Variants in PXN observed in about 807,000 individuals in gnomAD.
PXN encodes the protein paxillin.
Under a neutral mutation model 103.6 loss-of-function variants are expected in PXN, and 61 were observed. The ratio of observed to expected loss-of-function variants is 0.59; its 90% CI spans 0.48 to 0.73. PXN has a LOEUF of 0.73. Ranked by LOEUF, PXN falls within the 30% of genes least tolerant of loss-of-function variation. PXN has a pLI of 0.00. For missense variants in PXN, 1,274 were observed against 1,460.3 expected (o/e 0.87, Z 2.08); for synonymous variants, 562 against 607.8 (o/e 0.92, Z 1.11).
chr12:120,222,069 C>T lies in PXN; in HGVS notation c.696-311G>A, dbSNP rs1170061211. On this transcript the variant is annotated intron_variant, in intron 5 of 14. Transcript: ENST00000637617. The surrounding 1 kb of genome is among the most constrained non-coding windows in gnomAD (Gnocchi z 4.7). ...AGGTGAGGCTACTGCAGTAACACGA[C>T]GGCACTGGTAAGAGCTCGCGTGTTG... 6.6e-6 allele frequency among the ~76,000 whole-genome samples: 1 copy of T among 152,320 alleles called. No homozygotes were observed. The highest frequency in any genetic ancestry group is 1.9e-4 in the East Asian group (1 of 5,182).
chr12:120,212,725 G>T lies in PXN; in HGVS notation c.2980-145C>A. 1 of 862,070 alleles carries T rather than the reference G, an allele frequency of 1.2e-6. No homozygotes were observed. The highest frequency in any genetic ancestry group is 2.8e-5 in the East Asian group (1 of 35,206). The allele number at this position is 862,070 out of a possible 1,614,324, so 53.4% of individuals were successfully genotyped here. ...TCCCATGTGCCGTGTTGTCCTAAAC[G>T]CTCATTTTTCATTTTTATTTTATTA... On this transcript the variant is annotated intron_variant, in intron 14 of 14. Coordinates refer to ENST00000637617, the MANE Select transcript of PXN (RefSeq NM_001385981.1). The surrounding 1 kb of genome is among the most constrained non-coding windows in gnomAD (Gnocchi z 7.2).
rs1887604750 is a variant in PXN, at chr12:120,229,561, A to C, written c.14-5184T>G. 6.6e-6 allele frequency among the ~76,000 whole-genome samples: 1 copy of C among 152,190 alleles called. No homozygotes were observed. The highest frequency in any genetic ancestry group is 2.4e-5 in the African/African-American group (1 of 41,436). On this transcript the variant is annotated intron_variant, in intron 1 of 14. Transcript: ENST00000637617. The surrounding 1 kb of genome is among the most constrained non-coding windows in gnomAD (Gnocchi z 4.0). The stretch of plus-strand genomic sequence containing the variant: ...GGCTGCTTAACTGCTTTTGTGCCTC[A>C]GTTTCCTTGTCTGCCCAATAGGAAT...
intron 1 of PXN, among the ~76,000 whole-genome samples, chr12:120,251,249 G>A (rs971328392): frequency 1.3e-5 from 2 of 151,632 alleles, no homozygotes; most frequent in Non-Finnish European, 2.9e-5. Context: ...CCGGCATGGT[G>A]GCTCACGCCT....
rs1233394840 is a variant in PXN at position 120,265,610 on chromosome 12, C to T, written c.13+7G>A. On this transcript the variant is annotated splice_region_variant and intron_variant, in intron 1 of 14. Transcript: ENST00000637617. The surrounding 1 kb of genome is among the most constrained non-coding windows in gnomAD (Gnocchi z 5.7). ...CCTCCTCCTCCCTCGGCCTCCCGCTCACTCACCGAGGTCGTCCATGGCCGG... is the reference window on the plus strand; with the variant it reads ...CCTCCTCCTCCCTCGGCCTCCCGCTTACTCACCGAGGTCGTCCATGGCCGG... 1 of 1,486,880 alleles carries T rather than the reference C, an allele frequency of 6.7e-7. No individual in the cohort carries two copies. The highest frequency in any genetic ancestry group is 2.3e-5 in the Admixed American group (1 of 43,704). 92.1% of individuals were successfully genotyped at this position (1,486,880 alleles called of 1,614,324 possible).
At chr12:120,240,883 C>T (rs1890027621) in intron 1 of PXN, among the ~76,000 whole-genome samples, 1 of 152,196 alleles carries the variant, frequency 6.6e-6, no homozygotes, top group Non-Finnish European at 1.5e-5. Flanking sequence ...CTGCACCTGG[C>T]CCCACAATCC....
chr12:120,216,636 C>G lies in PXN; in HGVS notation c.1993-55G>C. The G allele has an allele frequency of 6.5e-7, 1 of 1,544,414 alleles. No homozygotes were observed. The highest frequency in any genetic ancestry group is 8.6e-7 in the Non-Finnish European group (1 of 1,162,562). On this transcript the variant is annotated intron_variant, in intron 8 of 14. Transcript: ENST00000637617. This position sits in a 1 kb window ranked among gnomAD's most constrained non-coding sequence, Gnocchi z 5.1. The stretch of plus-strand genomic sequence containing the variant: ...AGGAAGAAATCGCCAGCTCAGCCCA[C>G]AGGGGTGGCGGGACCTCCCCAGGCT...
In PXN at chr12:120,224,671, T is replaced by G; in HGVS notation, c.14-294A>C. The stretch of plus-strand genomic sequence containing the variant: ...TGGGAGTCAGGCACCTGGCACTGCG[T>G]TCCCTCCTGACAGGGCCGCGCAGCC... On this transcript the variant is annotated intron_variant, in intron 1 of 14. Coordinates refer to ENST00000637617, the MANE Select transcript of PXN (RefSeq NM_001385981.1). The surrounding 1 kb of genome is among the most constrained non-coding windows in gnomAD (Gnocchi z 5.0). 3 of 630,556 alleles carry G rather than the reference T, an allele frequency of 4.8e-6. No homozygotes were observed. Among genetic ancestry groups the G allele is most frequent in the East Asian group, 3.3e-5 (1 of 30,508 alleles). 39.1% of individuals were successfully genotyped at this position (630,556 alleles called of 1,614,324 possible).
chr12:120,226,442 G>A, intron 1 of PXN: 1 of 1,288,698 alleles, frequency 7.8e-7, no homozygotes, highest in Non-Finnish European at 1.0e-6. Context: ...TGCCAAGGCT[G>A]GATGAAGTGA....
rs1427327237 is a variant in PXN at position 120,219,740 on chromosome 12, A to G, written c.1183T>C (p.Ser395Pro). ...ACAGTGTGGCAGCGGGGAGCCCCAG[A>G]GAGCTCACTTGTGATGGTCGGCAGG... ...RHLPTITSELSGAPRCHTVPC... is the reference protein window; with the variant it reads ...RHLPTITSELPGAPRCHTVPC... The change falls in exon 7 of 15, where the codon TCT becomes CCT. Residue 395 changes from serine to proline, a missense_variant. This residue lies in a region of PXN where 1,178 missense variants were observed against 1,309.0 expected (regional missense o/e 0.90). Transcript: ENST00000637617. The surrounding 1 kb of genome is among the most constrained non-coding windows in gnomAD (Gnocchi z 6.5). The G allele has an allele frequency of 1.3e-6, 2 of 1,596,820 alleles. No homozygotes were observed. The highest frequency in any genetic ancestry group is 1.7e-6 in the Non-Finnish European group (2 of 1,179,096).
At position 120,219,573 on chromosome 12, in the gene PXN, G is replaced by A. The variant is rs1167803029; in HGVS notation, c.1350C>T (p.Pro450=). Residue 450 remains proline (P), a synonymous_variant, in exon 7 of 15, where the codon CCC becomes CCT. Transcript: ENST00000637617. The surrounding 1 kb of genome is among the most constrained non-coding windows in gnomAD (Gnocchi z 6.5). ...ASEVFGPERM[P]PSGAARSFQE... The stretch of plus-strand genomic sequence containing the variant: ...GGAAGCTTCGAGCAGCTCCAGAGGG[G>A]GGCATTCTCTCAGGCCCGAATACCT... 3.8e-6 allele frequency: 6 copies of A among 1,572,560 alleles called. No individual in the cohort carries two copies. The highest frequency in any genetic ancestry group is 2.3e-5 in the East Asian group (1 of 43,422).
chr12:120,228,901 G>C lies in PXN; in HGVS notation c.14-4524C>G, dbSNP rs1203789073. ...AGGCCGCCCTGGGGCAGGTGGCTGGGCAGAAACAGTGCACTACGGCCAGGC... is the reference window on the plus strand; with the variant it reads ...AGGCCGCCCTGGGGCAGGTGGCTGGCCAGAAACAGTGCACTACGGCCAGGC... On this transcript the variant is annotated intron_variant, in intron 1 of 14. Coordinates refer to ENST00000637617, the MANE Select transcript of PXN (RefSeq NM_001385981.1). This position sits in a 1 kb window ranked among gnomAD's most constrained non-coding sequence, Gnocchi z 4.7. Among the ~76,000 whole-genome samples, 1 of 152,176 alleles carries C rather than the reference G, an allele frequency of 6.6e-6. No homozygotes were observed. Among genetic ancestry groups the C allele is most frequent in the Non-Finnish European group, 1.5e-5 (1 of 68,018 alleles).
intron 1 of PXN, among the ~76,000 whole-genome samples, chr12:120,234,840 A>G (rs115316406): frequency 0.01 from 1,595 of 152,346 alleles, 9 homozygotes; most frequent in African/African-American, 0.029. Context: ...ACACTCAGTC[A>G]ATAGATCCAC....
In PXN at chr12:120,214,035, G is replaced by GAAGTGA. The variant is rs1423881059; in HGVS notation, c.2831-46_2831-45insTCACTT. The GAAGTGA allele has an allele frequency of 6.3e-7, 1 of 1,599,434 alleles. No homozygotes were observed. Among genetic ancestry groups the GAAGTGA allele is most frequent in the Non-Finnish European group, 8.5e-7 (1 of 1,173,826 alleles). On this transcript the variant is annotated intron_variant, in intron 13 of 14. Transcript: ENST00000637617. The surrounding 1 kb of genome is among the most constrained non-coding windows in gnomAD (Gnocchi z 5.0). ...GAGGCACAGTTCATTCCGGCTTCCAGAAGTGGAGCCACTCTGACTCCAACC... is the reference window on the plus strand; with the variant it reads ...GAGGCACAGTTCATTCCGGCTTCCAGAAGTGAAAGTGGAGCCACTCTGACTCCAACC...
chr12:120,226,615 A>C, intron 1 of PXN: 1 of 1,188,100 alleles, frequency 8.4e-7, no homozygotes, highest in Non-Finnish European at 1.1e-6. Context: ...GATTGGATTC[A>C]GGTTTACAAT....
chr12:120,260,004 A>G (rs1893623797), intron 1 of PXN, among the ~76,000 whole-genome samples: 1 of 152,174 alleles, frequency 6.6e-6, no homozygotes, highest in East Asian at 1.9e-4. Context: ...GGGCACAGGA[A>G]GGCTTCTGAT....
chr12:120,224,346 G>A lies in PXN; in HGVS notation c.45C>T (p.Thr15=), dbSNP rs1886174459. 2 of 1,613,996 alleles carry A rather than the reference G, an allele frequency of 1.2e-6. No individual in the cohort carries two copies. The highest frequency in any genetic ancestry group is 1.1e-5 in the South Asian group (1 of 91,090). ...DALLADLEST[T]SHISKRPVFL... ...ACACAGGCCGTTTGGAGATGTGGGA[G>A]GTGGTAGACTCCAAGTCCGCCAGCA... Residue 15 remains threonine, a synonymous_variant, in exon 2 of 15, where the codon ACC becomes ACT. Transcript: ENST00000637617. This position sits in a 1 kb window ranked among gnomAD's most constrained non-coding sequence, Gnocchi z 5.0.
intron 1 of PXN, among the ~76,000 whole-genome samples, chr12:120,254,717 A>C (rs1206353849): frequency 6.6e-6 from 1 of 151,934 alleles, no homozygotes; most frequent in Non-Finnish European, 1.5e-5. Flanking sequence ...CGCCCAGCTA[A>C]TTTTTGTAAT....
chr12:120,243,533 T>A (rs896506977), intron 1 of PXN, among the ~76,000 whole-genome samples: 2 of 152,108 alleles, frequency 1.3e-5, no homozygotes, highest in Non-Finnish European at 2.9e-5. Context: ...CTACAAAAAA[T>A]TTTTAAAAAT....
intron 1 of PXN, among the ~76,000 whole-genome samples, chr12:120,237,146 T>TATACACAC (rs1889229357): frequency 8.0e-6 from 1 of 125,460 alleles, no homozygotes; most frequent in Admixed American, 8.1e-5. Context: ...TGTGTGTGTG[T>TATACACAC]ATACACACAC....
Sources: gnomAD v4.1 joint callset for allele counts (sites outside exome capture counted in the v4.1 genomes callset) on GRCh38, gnomAD v4.1.1 for gene constraint, gnomAD v4.1.1 regional missense constraint, Gnocchi (gnomAD v3.1) non-coding constraint, MANE v1.5 for transcripts, NCBI Gene and HGNC (gene_info 2026-07-23, HGNC 2026-07-21) for gene names.